The following DHX15 variants were observed in gnomAD, a reference collection of about 807,000 sequenced individuals.
The protein encoded by DHX15 is DEAH-box helicase 15.
DHX15 carries 11 observed loss-of-function variants against 94.4 expected under a neutral mutation model. The ratio of observed to expected loss-of-function variants is 0.12; its 90% CI spans 0.07 to 0.19. DHX15 has a LOEUF of 0.19. Ranked by LOEUF, DHX15 falls within the 10% of genes least tolerant of loss-of-function variation. The pLI, the probability that DHX15 is intolerant of heterozygous loss-of-function variation, is 1.00. For missense variants in DHX15, 304 were observed against 988.5 expected (o/e 0.31, Z 9.29); for synonymous variants, 338 against 329.9 (o/e 1.02, Z -0.27).
At chr4:24,531,626 G>A (rs756542268) in intron 12 of DHX15, among the ~76,000 whole-genome samples, 68 of 152,026 alleles carry the variant, frequency 4.5e-4, no homozygotes, top group Non-Finnish European at 7.5e-4. Context: ...TCTGAGGTGG[G>A]AGGATCACCA....
At chr4:24,564,829 A>G (rs1435857279) in intron 3 of DHX15, among the ~76,000 whole-genome samples, 1 of 152,222 alleles carries the variant, frequency 6.6e-6, no homozygotes, top group African/African-American at 2.4e-5. Flanking sequence ...TATTTTGAAT[A>G]ATTTAGAATC....
At chr4:24,549,373 T>A (rs1432471468) in intron 5 of DHX15, among the ~76,000 whole-genome samples, 2 of 152,220 alleles carry the variant, frequency 1.3e-5, no homozygotes, top group African/African-American at 4.8e-5. Flanking sequence ...ATTTTCACAA[T>A]CTAAAAGAAA....
chr4:24,571,538 T>C (rs1722123642), intron 2 of DHX15, among the ~76,000 whole-genome samples: 1 of 152,228 alleles, frequency 6.6e-6, no homozygotes, highest in Non-Finnish European at 1.5e-5. Context: ...CCCAGTTCCA[T>C]TATCAATATA....
At chr4:24,576,071 T>C (rs1444842209) in intron 2 of DHX15, among the ~76,000 whole-genome samples, 172 bp downstream of exon 2, 1 of 152,160 alleles carries the variant, frequency 6.6e-6, no homozygotes, top group African/African-American at 2.4e-5. Flanking sequence ...GGGAGAGGTA[T>C]TCTCTATAGG....
chr4:24,573,533 C>T (rs147505522), intron 2 of DHX15, among the ~76,000 whole-genome samples: 15 of 152,226 alleles, frequency 9.9e-5, no homozygotes, highest in African/African-American at 3.6e-4. Context: ...ATTTTCTATT[C>T]CCAAGGCCCT....
chr4:24,550,118 A>C (rs1315619426), intron 5 of DHX15, among the ~76,000 whole-genome samples: 2 of 145,190 alleles, frequency 1.4e-5, no homozygotes, highest in South Asian at 4.5e-4. Flanking sequence ...AAAAAAAAAA[A>C]AAAAACGGTA....
chr4:24,542,055 TTCAG>T lies in DHX15; in HGVS notation c.1336-37_1336-34del, dbSNP rs1721323312. On this transcript the variant is annotated intron_variant, in intron 7 of 13. Transcript: ENST00000336812. ...AATTGAAATAACACAAGAGTCTTTC[TTCAG>T]TCAAACACAAAATTGTGATGCAACA... is the stretch of plus-strand genomic sequence containing the variant. The T allele has an allele frequency of 2.6e-6, 4 of 1,544,932 alleles. No homozygotes were observed. In the East Asian group the frequency reaches 6.9e-5, roughly 27 times the overall value.
intron 3 of DHX15, chr4:24,563,294 G>A (rs1181984489): frequency 6.6e-6 from 1 of 151,994 alleles, no homozygotes; most frequent in Non-Finnish European, 1.5e-5. Context: ...TTCCAACCTG[G>A]GCCGGTTCAC....
chr4:24,544,322 C>T (rs1418609842), intron 6 of DHX15, among the ~76,000 whole-genome samples: 1 of 152,140 alleles, frequency 6.6e-6, no homozygotes, highest in African/African-American at 2.4e-5. Context: ...AAGTAGTAGA[C>T]TTCCCAAAAT....
intron 10 of DHX15, chr4:24,539,769 T>C (rs1382496004): frequency 6.1e-6 from 1 of 164,144 alleles, no homozygotes; most frequent in Non-Finnish European, 1.3e-5. Flanking sequence ...CTTCCTGTAC[T>C]TGCAGTAAAA....
chr4:24,577,002 G>C (rs1577351975), intron 1 of DHX15, among the ~76,000 whole-genome samples: 1 of 152,142 alleles, frequency 6.6e-6, no homozygotes, highest in African/African-American at 2.4e-5. Flanking sequence ...ATGAAGAAAG[G>C]ATAGGTCCAA....
intron 12 of DHX15, 106 bp downstream of exon 12, chr4:24,532,758 G>T: frequency 1.3e-6 from 1 of 776,264 alleles, no homozygotes; most frequent in Non-Finnish European, 2.0e-6. Context: ...AAATTTTTAT[G>T]AGCATGCACA....
At chr4:24,549,143 T>C (rs993645644) in intron 5 of DHX15, 121 bp from the exon 6 acceptor site, 29 of 764,352 alleles carry the variant, frequency 3.8e-5, no homozygotes, top group Non-Finnish European at 5.1e-5. Context: ...GGATACCCTG[T>C]TTTCAATTTA....
Position 24,540,262 on chromosome 4 carries a change from A to G in DHX15, c.1632T>C (p.Asn544=). 4 of 1,613,316 alleles carry G rather than the reference A, an allele frequency of 2.5e-6. No homozygotes were observed. The highest frequency in any genetic ancestry group is 3.4e-6 in the Non-Finnish European group (4 of 1,179,480). Residue 544 remains asparagine (N), a synonymous_variant, in exon 10 of 14, where the codon AAT becomes AAC. Transcript: ENST00000336812. The stretch of plus-strand genomic sequence containing the variant: ...CATCATCATTTAAAGCAGCCAGGTA[A>G]TTCAAAAGTTCCAGGGCTCTCATCA... ...ETLMRALELL[N]YLAALNDDGD...
At chr4:24,575,875 T>C (rs1477068736) in intron 2 of DHX15, among the ~76,000 whole-genome samples, 2 of 152,218 alleles carry the variant, frequency 1.3e-5, no homozygotes, top group Non-Finnish European at 2.9e-5. Flanking sequence ...TTTCATTTTT[T>C]GCATGGTTCA....
intron 12 of DHX15, chr4:24,530,189 G>A: frequency 4.4e-6 from 1 of 225,178 alleles, no homozygotes; most frequent in Non-Finnish European, 8.6e-6. Context: ...GGTCCACAGA[G>A]CCCAACATTT....
intron 3 of DHX15, among the ~76,000 whole-genome samples, chr4:24,566,816 T>C (rs1331871239): frequency 1.3e-5 from 2 of 152,122 alleles, no homozygotes; most frequent in African/African-American, 4.8e-5. Context: ...ACAGATGAGA[T>C]GAGACTCTAT....
At chr4:24,563,227 A>G (rs1721921421) in intron 3 of DHX15, 1 of 152,120 alleles carries the variant, frequency 6.6e-6, no homozygotes, top group African/African-American at 2.4e-5. Flanking sequence ...CCAGGCTGGA[A>G]GGCAGTGGCT....
At chr4:24,583,484 AC>A (rs1000886197) in intron 1 of DHX15, among the ~76,000 whole-genome samples, 4 of 151,760 alleles carry the variant, frequency 2.6e-5, no homozygotes, top group African/African-American at 7.3e-5. Context: ...AAAAAAAAAA[AC>A]AATGCCTTCT....
Sources: allele counts gnomAD v4.1 joint callset (sites outside exome capture counted in the v4.1 genomes callset), GRCh38; gene constraint gnomAD v4.1.1; transcripts MANE v1.5; gene names NCBI Gene and HGNC (gene_info 2026-07-23, HGNC 2026-07-21).